The following LRP1B variants were observed in gnomAD, a reference collection of about 807,000 sequenced individuals.
LRP1B encodes the protein low-density lipoprotein receptor-related protein 1B.
A neutral mutation model predicts 556.6 loss-of-function variants in LRP1B; 217 were observed. The ratio of observed to expected loss-of-function variants is 0.39; its 90% CI spans 0.35 to 0.44. The LOEUF is 0.44. Ranked by LOEUF, LRP1B falls within the 20% of genes least tolerant of loss-of-function variation. LRP1B has a pLI of 1.00. For missense variants in LRP1B, 5,053 were observed against 5,620.8 expected (o/e 0.90, Z 3.23); for synonymous variants, 2,047 against 1,865.8 (o/e 1.10, Z -2.50).
chr2:140,530,954 G>A (rs1690666044), intron 47 of LRP1B, among the ~76,000 whole-genome samples: 1 of 152,008 alleles, frequency 6.6e-6, no homozygotes, highest in African/African-American at 2.4e-5. Flanking sequence ...TTCAGCAGCT[G>A]GTATTGATAT....
chr2:140,997,856 T>G (rs964327051), intron 15 of LRP1B, among the ~76,000 whole-genome samples: 2 of 151,918 alleles, frequency 1.3e-5, no homozygotes, highest in African/African-American at 4.8e-5. Context: ...AATGCTGCGA[T>G]AGGTTTTGAT....
chr2:140,952,612 C>T (rs1209653033), intron 18 of LRP1B, among the ~76,000 whole-genome samples: 1 of 151,810 alleles, frequency 6.6e-6, no homozygotes, highest in African/African-American at 2.4e-5. Flanking sequence ...CCTTACTAAC[C>T]TTTAGATAAT....
At position 140,748,359 on chromosome 2, in the gene LRP1B, A is replaced by ATTCATATAT. The variant is rs1303179937; in HGVS notation, c.5758+20853_5758+20854insATATATGAA. Reference sequence around the variant, plus strand: ...TTCATATATTATATTCATATATAATATATATTTATATATGTATATATATTC... The same window carrying ATTCATATAT: ...TTCATATATTATATTCATATATAATATTCATATATTATATTTATATATGTATATATATTC... On this transcript the variant is annotated intron_variant, in intron 35 of 90. Coordinates refer to ENST00000389484, the MANE Select transcript of LRP1B (RefSeq NM_018557.3). 7.7e-5 allele frequency among the ~76,000 whole-genome samples: 9 copies of ATTCATATAT among 116,814 alleles called. 1 individual carries two copies. The East Asian group carries it at 2.3e-3, about 30-fold the overall frequency. 76.6% of individuals were successfully genotyped at this position (116,814 alleles called of 152,430 possible). A position where few individuals can be genotyped will look rare whatever the true frequency, so the allele number is the denominator to read the frequency against.
At chr2:140,994,219 T>G in intron 15 of LRP1B, 84 bp from the exon 16 acceptor site, 1 of 1,226,252 alleles carries the variant, frequency 8.2e-7, no homozygotes, top group Non-Finnish European at 1.2e-6. Flanking sequence ...AGTTTTTTGT[T>G]TGTTTTAGAT....
At chr2:140,732,382 G>A (rs12622376) in intron 35 of LRP1B, among the ~76,000 whole-genome samples, 73,639 of 151,878 alleles carry the variant, frequency 0.48, 19,057 homozygotes, top group Non-Finnish European at 0.59. Context: ...TGCAGGAAAT[G>A]AAAAAACTCC....
At chr2:140,370,052 G>T (rs1204895808) in intron 71 of LRP1B, among the ~76,000 whole-genome samples, 1 of 152,012 alleles carries the variant, frequency 6.6e-6, no homozygotes, top group Non-Finnish European at 1.5e-5. Context: ...CAATTGCTTT[G>T]CGAAATAACT....
chr2:140,237,401 T>C (rs1680756628), intron 89 of LRP1B, among the ~76,000 whole-genome samples: 1 of 151,014 alleles, frequency 6.6e-6, no homozygotes. Flanking sequence ...CACACTTAGG[T>C]TGATTCTATA....
rs75434482 is a variant in LRP1B, at chr2:141,312,038, G to A, written c.344-57397C>T. ...TTTGGTGAAAAGAGGAGAAATGTAGGGAAAATCTGAATCTTCTTAGAGATT... is the reference window on the plus strand; with the variant it reads ...TTTGGTGAAAAGAGGAGAAATGTAGAGAAAATCTGAATCTTCTTAGAGATT... On this transcript the variant is annotated intron_variant, in intron 3 of 90. Coordinates refer to ENST00000389484, the MANE Select transcript of LRP1B (RefSeq NM_018557.3). 1.6e-3 allele frequency among the ~76,000 whole-genome samples: 243 copies of A among 152,188 alleles called. 4 individuals are homozygous for A. In the East Asian group the frequency reaches 0.036, roughly 23 times the overall value.
At chr2:140,937,443 A>T (rs1182894586) in intron 20 of LRP1B, among the ~76,000 whole-genome samples, 2 of 152,110 alleles carry the variant, frequency 1.3e-5, no homozygotes, top group Admixed American at 1.3e-4. Flanking sequence ...TGGGAGCTAG[A>T]GATAAGGAAG....
chr2:140,427,910 G>T (rs1255636534), intron 66 of LRP1B, among the ~76,000 whole-genome samples: 2 of 152,050 alleles, frequency 1.3e-5, no homozygotes, highest in Admixed American at 6.5e-5. Context: ...ACAGTTTCAT[G>T]CCGTGACTAG....
chr2:140,360,090 A>G (rs1682436256), intron 72 of LRP1B, among the ~76,000 whole-genome samples: 1 of 151,602 alleles, frequency 6.6e-6, no homozygotes, highest in Non-Finnish European at 1.5e-5. Flanking sequence ...GATCCTCAAA[A>G]AGCCATGAGA....
At chr2:140,253,865 T>C (rs898083204) in intron 86 of LRP1B, among the ~76,000 whole-genome samples, 5 of 152,150 alleles carry the variant, frequency 3.3e-5, no homozygotes, top group African/African-American at 1.2e-4. Context: ...GTTACAATTC[T>C]AGAGCTAAAG....
chr2:141,812,591 G>C (rs1018506242), intron 1 of LRP1B, among the ~76,000 whole-genome samples: 3 of 152,098 alleles, frequency 2.0e-5, no homozygotes, highest in Non-Finnish European at 4.4e-5. Context: ...ATGATTTATG[G>C]TGTTGGAATA....
At chr2:141,988,514 G>A (rs7568221) in intron 1 of LRP1B, among the ~76,000 whole-genome samples, 32,763 of 151,868 alleles carry the variant, frequency 0.22, 4,160 homozygotes, top group East Asian at 0.31. Flanking sequence ...TTGTAGAAAT[G>A]GTCAAAGTAG....
At chr2:141,832,201 AT>A (rs906460639) in intron 1 of LRP1B, among the ~76,000 whole-genome samples, 17 of 148,844 alleles carry the variant, frequency 1.1e-4, no homozygotes, top group Non-Finnish European at 1.5e-4. Context: ...TGGTTCATTT[AT>A]TTTTTTTTTC....
intron 20 of LRP1B, among the ~76,000 whole-genome samples, chr2:140,936,100 G>A (rs1263258879): frequency 2.0e-5 from 3 of 151,582 alleles, no homozygotes; most frequent in Non-Finnish European, 2.9e-5. Flanking sequence ...GGCACTTTGA[G>A]AGGCAGTGAT....
intron 60 of LRP1B, among the ~76,000 whole-genome samples, chr2:140,470,657 AAAAAAAAAAAAAAAAAT>A (rs1687730117): frequency 6.6e-6 from 1 of 150,878 alleles, no homozygotes; most frequent in South Asian, 2.1e-4. Context: ...AAAAAAAAAA[AAAAAAAAAAAAAAAAAT>A]GGCAAAGATT....
chr2:140,748,125 AT>A (rs1559093617), intron 35 of LRP1B, among the ~76,000 whole-genome samples: 1,409 of 94,582 alleles, frequency 0.015, 49 homozygotes, highest in African/African-American at 0.028. Flanking sequence ...ATATATATAT[AT>A]ATATATATAT....
At chr2:140,637,746 T>C in intron 41 of LRP1B, among the ~76,000 whole-genome samples, 1 of 152,204 alleles carries the variant, frequency 6.6e-6, no homozygotes, top group African/African-American at 2.4e-5. Flanking sequence ...CTATAGCTGC[T>C]TTTGAATGGC....
Sources: allele counts gnomAD v4.1 joint callset (sites outside exome capture counted in the v4.1 genomes callset), GRCh38; gene constraint gnomAD v4.1.1; transcripts MANE v1.5; gene names NCBI Gene and HGNC (gene_info 2026-07-23, HGNC 2026-07-21).